The following STK39 variants were observed in gnomAD, a reference collection of about 807,000 sequenced individuals.
STK39 encodes the protein STE20/SPS1-related proline-alanine-rich protein kinase.
A neutral mutation model predicts 77.8 loss-of-function variants in STK39; 20 were observed. The observed-to-expected ratio is 0.26, with a 90% CI of 0.18 to 0.37. The LOEUF (loss-of-function observed/expected upper bound fraction) is 0.37. STK39 is among the 10% of genes least tolerant of loss of function. STK39 has a pLI of 1.00. For missense variants in STK39, 479 were observed against 656.5 expected, an observed-to-expected ratio of 0.73 and a Z score of 2.95; for synonymous variants, 246 against 234.1, an observed-to-expected ratio of 1.05 and a Z score of -0.47.
At chr2:168,031,625 C>G (rs1188851528) in intron 14 of STK39, among the ~76,000 whole-genome samples, 1 of 152,040 alleles carries the variant, frequency 6.6e-6, no homozygotes, top group African/African-American at 2.4e-5. Context: ...GGACAGGTGT[C>G]GTTATAAGAA....
At chr2:168,062,355 G>C (rs1008271646) in intron 14 of STK39, among the ~76,000 whole-genome samples, 3 of 152,166 alleles carry the variant, frequency 2.0e-5, no homozygotes, top group Non-Finnish European at 4.4e-5. Context: ...AACAAAAAGG[G>C]AATGGGCTAC....
rs527484303 is a variant in STK39, at chr2:168,181,841, AG to A, written c.321+136del. The stretch of plus-strand genomic sequence containing the variant: ...GTACAGTCCCATTAATCTGGGGAGC[AG>A]GAAGTGGTAGGGGCTGCTTTCCAAG... On this transcript the variant is annotated intron_variant, in intron 2 of 17. Transcript: ENST00000355999. The A allele has an allele frequency of 6.2e-6, 4 of 644,704 alleles. No homozygotes were observed. The Admixed American group carries it at 7.3e-5, about 12-fold the overall frequency. 39.9% of individuals were successfully genotyped at this position (644,704 alleles called of 1,614,324 possible).
At chr2:168,146,163 T>C (rs1440152489) in intron 5 of STK39, among the ~76,000 whole-genome samples, 2 of 152,246 alleles carry the variant, frequency 1.3e-5, no homozygotes, top group African/African-American at 4.8e-5. Flanking sequence ...GAATTTTTCA[T>C]TCACCTATGA....
chr2:168,053,883 G>A (rs1456586471), intron 14 of STK39, among the ~76,000 whole-genome samples: 1 of 152,184 alleles, frequency 6.6e-6, no homozygotes, highest in Non-Finnish European at 1.5e-5. Context: ...GAGAATTACA[G>A]CTGTGACTGC....
chr2:168,110,729 T>G (rs955528117), intron 10 of STK39, among the ~76,000 whole-genome samples: 1 of 152,210 alleles, frequency 6.6e-6, no homozygotes, highest in Admixed American at 6.5e-5. Context: ...TGTCACAATG[T>G]TTTATTGAGT....
chr2:168,014,462 T>G (rs772138799), intron 15 of STK39, among the ~76,000 whole-genome samples: 26 of 151,932 alleles, frequency 1.7e-4, no homozygotes, highest in Non-Finnish European at 3.1e-4. Context: ...AAACCCTGTC[T>G]ATTTTTTAAA....
In STK39 at chr2:167,962,809, G is replaced by A. The variant is rs148053331; in HGVS notation, c.1563+1853C>T. On this transcript the variant is annotated intron_variant, in intron 17 of 17. Coordinates refer to ENST00000355999, the MANE Select transcript of STK39 (RefSeq NM_013233.3). ...TCCAAGATGAATGGCTGTTGAGAGC[G>A]TGGGCACTGAGGCTAGACCAGGGGG... 9.6e-4 allele frequency among the ~76,000 whole-genome samples: 146 copies of A among 152,316 alleles called. 1 individual carries two copies. The highest frequency in any genetic ancestry group is 3.4e-3 in the Middle Eastern group (1 of 294).
At chr2:168,099,977 C>T (rs963662924) in intron 10 of STK39, among the ~76,000 whole-genome samples, 1 of 151,926 alleles carries the variant, frequency 6.6e-6, no homozygotes, top group Non-Finnish European at 1.5e-5. Flanking sequence ...TCAAGTGGAA[C>T]AATTTGAAAG....
At chr2:168,178,555 G>C (rs746880552) in intron 2 of STK39, among the ~76,000 whole-genome samples, 17 of 152,078 alleles carry the variant, frequency 1.1e-4, no homozygotes, top group Non-Finnish European at 2.1e-4. Flanking sequence ...GCATAATACA[G>C]AAACTCAGTA....
chr2:168,008,928 A>G (rs1222146848), intron 16 of STK39, among the ~76,000 whole-genome samples: 1 of 152,218 alleles, frequency 6.6e-6, no homozygotes, highest in Non-Finnish European at 1.5e-5. Context: ...AGCCATTCAC[A>G]GACCACGTGT....
At chr2:168,069,282 T>A (rs771835729) in intron 12 of STK39, among the ~76,000 whole-genome samples, 1 of 152,128 alleles carries the variant, frequency 6.6e-6, no homozygotes, top group African/African-American at 2.4e-5. Flanking sequence ...ATAAGTAATA[T>A]AAGGAAAAAA....
intron 12 of STK39, among the ~76,000 whole-genome samples, chr2:168,073,849 C>T (rs1686006609): frequency 6.6e-6 from 1 of 152,150 alleles, no homozygotes; most frequent in African/African-American, 2.4e-5. Context: ...AATTCCTGAC[C>T]TCACGTGATC....
At chr2:168,241,984 G>GC (rs1690770126) in intron 1 of STK39, among the ~76,000 whole-genome samples, 1 of 152,166 alleles carries the variant, frequency 6.6e-6, no homozygotes, top group Non-Finnish European at 1.5e-5. Context: ...CGGCACTGCT[G>GC]CAACTTATTT....
At chr2:168,151,672 G>C (rs1688289072) in intron 5 of STK39, among the ~76,000 whole-genome samples, 1 of 151,564 alleles carries the variant, frequency 6.6e-6, no homozygotes, top group African/African-American at 2.4e-5. Context: ...CCAGGAGGTG[G>C]AGGTTGCAGT....
At chr2:168,117,102 C>T (rs1489202737) in intron 10 of STK39, among the ~76,000 whole-genome samples, 1 of 152,154 alleles carries the variant, frequency 6.6e-6, no homozygotes, top group African/African-American at 2.4e-5. Context: ...CTAATAATAT[C>T]TAACCATTCC....
At chr2:168,041,619 A>G (rs1443515853) in intron 14 of STK39, among the ~76,000 whole-genome samples, 6 of 152,210 alleles carry the variant, frequency 3.9e-5, no homozygotes, top group African/African-American at 1.4e-4. Context: ...TGTAAACCTA[A>G]GAATTCCCTT....
rs745441222 is a variant in STK39 at position 168,247,412 on chromosome 2, G to C, written c.24C>G (p.Pro8=). 4 of 1,217,666 alleles carry C rather than the reference G, an allele frequency of 3.3e-6. No homozygotes were observed. In the South Asian group the frequency reaches 7.8e-5, roughly 24 times the overall value. 75.4% of individuals were successfully genotyped at this position (1,217,666 alleles called of 1,614,324 possible). The change falls in exon 1 of 18, where the codon CCC becomes CCG. Residue 8 remains proline, a synonymous_variant. Transcript: ENST00000355999. The part of the protein sequence containing the change: MAEPSGS[P]VHVQLPQQAA... Reference sequence around the variant, plus strand: ...CCTGCTGGGGAAGCTGGACGTGCACGGGCGAGCCGCTCGGCTCCGCCATGA... The same window carrying C: ...CCTGCTGGGGAAGCTGGACGTGCACCGGCGAGCCGCTCGGCTCCGCCATGA...
intron 14 of STK39, among the ~76,000 whole-genome samples, chr2:168,023,007 C>G (rs1286797520): frequency 6.6e-6 from 1 of 152,190 alleles, no homozygotes; most frequent in African/African-American, 2.4e-5. Flanking sequence ...CTCGAACTCT[C>G]GGGCTCAAGC....
intron 5 of STK39, among the ~76,000 whole-genome samples, chr2:168,161,182 G>A (rs1426052398): frequency 3.3e-5 from 5 of 152,146 alleles, no homozygotes; most frequent in African/African-American, 4.8e-5. Context: ...TAATATGGGC[G>A]TGGCTACATC....
Sources: allele counts gnomAD v4.1 joint callset (sites outside exome capture counted in the v4.1 genomes callset), GRCh38; gene constraint gnomAD v4.1.1; transcripts MANE v1.5; gene names NCBI Gene and HGNC (gene_info 2026-07-23, HGNC 2026-07-21).